The following PKHD1L1 variants were observed in gnomAD, a reference collection of about 807,000 sequenced individuals.
PKHD1L1 encodes PKHD1 like 1.
Under a neutral mutation model 462.9 loss-of-function variants are expected in PKHD1L1, and 434 were observed. That is an observed-to-expected ratio of 0.94 (90% CI 0.87 to 1.02). PKHD1L1 has a LOEUF of 1.02. PKHD1L1 is among the 50% of genes least tolerant of loss of function. The probability of loss-of-function intolerance (pLI) is 0.00; values close to 1 mark genes in which losing one functional copy is unlikely to be tolerated. For synonymous variants in PKHD1L1, 1,781 were observed against 1,750.0 expected (o/e 1.02, Z -0.44); for missense variants, 5,202 against 5,096.1 (o/e 1.02, Z -0.63).
intron 2 of PKHD1L1, among the ~76,000 whole-genome samples, chr8:109,376,533 G>C (rs938867184): frequency 6.6e-6 from 1 of 152,172 alleles, no homozygotes; most frequent in Non-Finnish European, 1.5e-5. Flanking sequence ...GCACTCCCCA[G>C]TGAGATGAAC....
chr8:109,468,381 C>T (rs1195830352), intron 50 of PKHD1L1, among the ~76,000 whole-genome samples: 1 of 152,110 alleles, frequency 6.6e-6, no homozygotes, highest in Non-Finnish European at 1.5e-5. Context: ...CTCTCTGTGC[C>T]CTTTAAGAAT....
At chr8:109,470,841 G>A (rs1169161263) in intron 50 of PKHD1L1, 2 of 1,508,388 alleles carry the variant, frequency 1.3e-6, no homozygotes, top group South Asian at 1.2e-5. Flanking sequence ...TAGTTACTTG[G>A]ATAAGTTCTT....
chr8:109,449,760 A>T (rs1179507506), intron 40 of PKHD1L1, among the ~76,000 whole-genome samples: 1 of 152,186 alleles, frequency 6.6e-6, no homozygotes, highest in Non-Finnish European at 1.5e-5. Context: ...CCAAATGGAG[A>T]ACACATTTTT....
rs1177075400 is a variant in PKHD1L1, at chr8:109,435,262, T to C, written c.3413T>C (p.Val1138Ala). Residue 1138 changes from valine to alanine, a missense_variant, in exon 29 of 78, where the codon GTT (valine) becomes GCT (alanine). Physicochemically the swap from Val to Ala is moderately conservative, Grantham distance 64. Around this residue, in one of 3 missense-constraint regions of PKHD1L1, gnomAD observed 4,497 missense variants for 4,336.8 expected, o/e 1.04. Transcript: ENST00000378402. ...CCCGTTGCTGTGTCCATGGCTGATG[T>C]TGGACTAGCACAGAATGTAGGGGGT... is the stretch of plus-strand genomic sequence containing the variant. ...HAPVAVSMAD[V>A]GLAQNVGGEE... is the part of the protein sequence containing the mutation. 1 of 1,613,922 alleles carries C rather than the reference T, an allele frequency of 6.2e-7. No homozygotes were observed. Among genetic ancestry groups the C allele is most frequent in the South Asian group, 1.1e-5 (1 of 91,082 alleles).
rs138610562 is a variant in PKHD1L1 at position 109,470,813 on chromosome 8, T to A, written c.8605+4044T>A. The A allele has an allele frequency of 3.3e-4, 508 of 1,517,496 alleles. 4 individuals are homozygous for A. The East Asian group carries it at 0.011, about 31-fold the overall frequency. 94.0% of individuals were successfully genotyped at this position (1,517,496 alleles called of 1,614,324 possible). A position where few individuals can be genotyped will look rare whatever the true frequency, so the allele number is the denominator to read the frequency against. ...TGTGAGGTAAGGAAGGATGAACAAG[T>A]TGAAAAGGAAAACACACTAGTTACT... On this transcript the variant is annotated intron_variant, in intron 50 of 77. Coordinates refer to ENST00000378402, the MANE Select transcript of PKHD1L1 (RefSeq NM_177531.6).
chr8:109,433,302 C>T lies in PKHD1L1; in HGVS notation c.3340+86C>T, dbSNP rs897879764. 16 of 1,107,522 alleles carry T rather than the reference C, an allele frequency of 1.4e-5. No homozygotes were observed. In the Admixed American group the frequency reaches 2.1e-4, roughly 15 times the overall value. 68.6% of individuals were successfully genotyped at this position (1,107,522 alleles called of 1,614,324 possible). On this transcript the variant is annotated intron_variant, in intron 28 of 77. Coordinates refer to ENST00000378402, the MANE Select transcript of PKHD1L1 (RefSeq NM_177531.6). Reference sequence around the variant, plus strand: ...AGGGCAGTATTACAATTATCTTGATCGTGTACAATTATCATGATCCAGTAT... The same window carrying T: ...AGGGCAGTATTACAATTATCTTGATTGTGTACAATTATCATGATCCAGTAT...
chr8:109,404,336 A>G (rs1474077918), intron 14 of PKHD1L1, among the ~76,000 whole-genome samples: 2 of 152,186 alleles, frequency 1.3e-5, no homozygotes, highest in Non-Finnish European at 2.9e-5. Flanking sequence ...ATGAATGAGA[A>G]CAACTTTCTA....
Position 109,452,237 on chromosome 8 carries a change from CTCCAGTTTGTG to C in PKHD1L1, c.6469_6479del (p.Val2157HisfsTer11), listed in dbSNP as rs778990252. 7.1e-5 allele frequency: 115 copies of C among 1,611,224 alleles called. No individual in the cohort carries two copies. Among genetic ancestry groups the C allele is most frequent in the Admixed American group, 1.8e-4 (11 of 59,688 alleles). On this transcript the variant is annotated frameshift_variant, in exon 42 of 78. Transcript: ENST00000378402. LOFTEE classifies it high-confidence loss of function. Reference sequence around the variant, plus strand: ...GATGCCCATACTCTATCAGGGTGGGCTCCAGTTTGTGTCCACATCAGAGGTGTCGGCATGGC... The same window carrying C: ...GATGCCCATACTCTATCAGGGTGGGCTCCACATCAGAGGTGTCGGCATGGC...
chr8:109,435,501 T>A, intron 29 of PKHD1L1, 147 bp downstream of exon 29: 1 of 831,158 alleles, frequency 1.2e-6, no homozygotes, highest in Non-Finnish European at 1.8e-6. Context: ...GTACAGTGAT[T>A]AAATGGCTGA....
At chr8:109,507,524 T>A (rs1312574582) in intron 68 of PKHD1L1, 139 bp from the exon 69 acceptor site, 1 of 680,866 alleles carries the variant, frequency 1.5e-6, no homozygotes, top group Middle Eastern at 4.0e-4. Context: ...TTACATAGGC[T>A]ACTTGGTCCC....
intron 30 of PKHD1L1, 67 bp downstream of exon 30, chr8:109,436,526 C>T: frequency 1.9e-6 from 3 of 1,584,890 alleles, no homozygotes; most frequent in Non-Finnish European, 8.5e-7. Context: ...GGAAACATCT[C>T]AGTGGGGCGG....
chr8:109,524,348 G>C (rs530671412), intron 76 of PKHD1L1, among the ~76,000 whole-genome samples: 18 of 152,198 alleles, frequency 1.2e-4, no homozygotes, highest in African/African-American at 4.1e-4. Context: ...CAATATCTCA[G>C]CCTAATGTTT....
rs1224657796 is a variant in PKHD1L1, at chr8:109,445,139, ACT to A, written c.5273_5274del (p.Ser1758CysfsTer10). 6.2e-7 allele frequency: 1 copy of A among 1,613,802 alleles called. No individual in the cohort carries two copies. On this transcript the variant is annotated frameshift_variant, in exon 38 of 78. Transcript: ENST00000378402. LOFTEE classifies it high-confidence loss of function. ...CCTTACATAACAGGAGTCTTCCCAA[ACT>A]CTGTCATAGGATCTGTAAAAGTTCT...
Position 109,400,185 on chromosome 8 carries a change from A to G in PKHD1L1, c.1122A>G (p.Val374=). 1 of 1,613,752 alleles carries G rather than the reference A, an allele frequency of 6.2e-7. No homozygotes were observed. The highest frequency in any genetic ancestry group is 8.5e-7 in the Non-Finnish European group (1 of 1,179,704). ...CTGGGTACATGGGTGCCAGTTGGGTAGATTCAGCTTCCTATATTTGGCTCA... is the reference window on the plus strand; with the variant it reads ...CTGGGTACATGGGTGCCAGTTGGGTGGATTCAGCTTCCTATATTTGGCTCA... The part of the protein sequence containing the change: ...KTPGYMGASW[V]DSASYIWLME... Residue 374 remains valine (V), a synonymous_variant, in exon 13 of 78, where the codon GTA becomes GTG. Coordinates refer to ENST00000378402, the MANE Select transcript of PKHD1L1 (RefSeq NM_177531.6).
intron 2 of PKHD1L1, among the ~76,000 whole-genome samples, chr8:109,369,731 A>G (rs910371851): frequency 1.3e-5 from 2 of 152,152 alleles, no homozygotes; most frequent in East Asian, 1.9e-4. Flanking sequence ...TCCAAACTCA[A>G]TGTGAACACC....
At chr8:109,435,140 T>C (rs1254984174) in intron 28 of PKHD1L1, 50 bp from the exon 29 acceptor site, 2 of 1,598,506 alleles carry the variant, frequency 1.3e-6, no homozygotes, top group Admixed American at 3.4e-5. Flanking sequence ...TTTTATCTCA[T>C]AAAACCATTT....
intron 9 of PKHD1L1, among the ~76,000 whole-genome samples, chr8:109,391,951 GAC>G (rs1328948628): frequency 6.6e-6 from 1 of 152,178 alleles, no homozygotes; most frequent in Non-Finnish European, 1.5e-5. Flanking sequence ...ATATAGGCTA[GAC>G]CAAAACTAAG....
At chr8:109,480,418 C>T in intron 55 of PKHD1L1, 2 of 421,066 alleles carry the variant, frequency 4.7e-6, no homozygotes, top group South Asian at 2.1e-5. Flanking sequence ...TGAGGTCAGG[C>T]TAAACCAACA....
chr8:109,424,987 AT>A, intron 23 of PKHD1L1, 97 bp from the exon 24 acceptor site: 1 of 1,051,416 alleles, frequency 9.5e-7, no homozygotes, highest in East Asian at 2.8e-5. Context: ...CATGAGGCTC[AT>A]TTATGTCATG....
Sources: gnomAD v4.1 joint callset for allele counts (sites outside exome capture counted in the v4.1 genomes callset) on GRCh38, gnomAD v4.1.1 for gene constraint, gnomAD v4.1.1 regional missense constraint, MANE v1.5 for transcripts, NCBI Gene and HGNC (gene_info 2026-07-23, HGNC 2026-07-21) for gene names.